The following CTIF variants were observed in gnomAD, a reference collection of about 807,000 sequenced individuals.
The protein encoded by CTIF is CBP80/20-dependent translation initiation factor.
In CTIF, 21 loss-of-function variants were observed where a neutral mutation model predicts 66.0. The ratio of observed to expected loss-of-function variants is 0.32; its 90% CI spans 0.23 to 0.46. The LOEUF (loss-of-function observed/expected upper bound fraction) is 0.46. CTIF is among the 20% of genes least tolerant of loss of function. The pLI is 1.00. For missense variants in CTIF, 739 were observed against 812.7 expected (o/e 0.91, Z 1.10); for synonymous variants, 345 against 326.4 (o/e 1.06, Z -0.62).
chr18:48,568,786 G>C (rs2089343609), intron 1 of CTIF, among the ~76,000 whole-genome samples: 1 of 152,002 alleles, frequency 6.6e-6, no homozygotes, highest in Admixed American at 6.6e-5. Context: ...GTGTGCAGAG[G>C]AACTGCCCTT....
At chr18:48,772,684 A>G (rs1910285175) in intron 9 of CTIF, among the ~76,000 whole-genome samples, 1 of 152,168 alleles carries the variant, frequency 6.6e-6, no homozygotes, top group Non-Finnish European at 1.5e-5. Flanking sequence ...TTCATGGCTG[A>G]CTAATATTCC....
At chr18:48,807,337 G>C (rs1270286829) in intron 9 of CTIF, among the ~76,000 whole-genome samples, 1 of 152,144 alleles carries the variant, frequency 6.6e-6, no homozygotes, top group South Asian at 2.1e-4. Context: ...TGATTATAAA[G>C]AGAAACATTC....
intron 6 of CTIF, among the ~76,000 whole-genome samples, chr18:48,693,021 G>C (rs930684203): frequency 6.6e-6 from 1 of 152,208 alleles, no homozygotes; most frequent in Non-Finnish European, 1.5e-5. Context: ...TTTGTTTTGA[G>C]CATTGATAGA....
At chr18:48,686,100 G>A (rs1018580888) in intron 6 of CTIF, among the ~76,000 whole-genome samples, 4 of 152,152 alleles carry the variant, frequency 2.6e-5, no homozygotes, top group South Asian at 4.1e-4. Flanking sequence ...TTAATGATTC[G>A]TGCCTGAAAT....
At chr18:48,807,757 T>A (rs143153069) in intron 9 of CTIF, among the ~76,000 whole-genome samples, 1,801 of 152,086 alleles carry the variant, frequency 0.012, 35 homozygotes, top group African/African-American at 0.041. Context: ...TTTTTTTGTA[T>A]TTTTAGTAGA....
intron 6 of CTIF, among the ~76,000 whole-genome samples, chr18:48,679,428 G>A (rs72909769): frequency 0.031 from 4,797 of 152,334 alleles, 100 homozygotes; most frequent in Non-Finnish European, 0.047. Flanking sequence ...AAGCTTGGCA[G>A]ATAAGAACTG....
chr18:48,672,924 T>G (rs2091559772), intron 6 of CTIF, among the ~76,000 whole-genome samples: 1 of 152,160 alleles, frequency 6.6e-6, no homozygotes, highest in Non-Finnish European at 1.5e-5. Flanking sequence ...GTCCCTCCCC[T>G]GATCTGTTCT....
chr18:48,635,772 G>T (rs1047528313), intron 2 of CTIF, among the ~76,000 whole-genome samples: 1 of 152,168 alleles, frequency 6.6e-6, no homozygotes, highest in Non-Finnish European at 1.5e-5. Context: ...GACTGCTACT[G>T]CATTGTATCT....
intron 2 of CTIF, among the ~76,000 whole-genome samples, chr18:48,627,376 A>T (rs2090622102): frequency 6.6e-6 from 1 of 151,700 alleles, no homozygotes; most frequent in Non-Finnish European, 1.5e-5. Flanking sequence ...GGGATGTTAG[A>T]AGGTGATGAA....
At chr18:48,817,415 C>A (rs989061011) in intron 10 of CTIF, 39 bp downstream of exon 10, 2 of 1,582,486 alleles carry the variant, frequency 1.3e-6, no homozygotes, top group Admixed American at 3.5e-5. Flanking sequence ...CACAGCCAGA[C>A]AGCACCAGGT....
chr18:48,563,585 C>T (rs1392390675), intron 1 of CTIF, among the ~76,000 whole-genome samples: 1 of 152,256 alleles, frequency 6.6e-6, no homozygotes, highest in African/African-American at 2.4e-5. Context: ...AATTCTCCTG[C>T]CTCAGTCTCC....
intron 6 of CTIF, among the ~76,000 whole-genome samples, chr18:48,681,334 G>A (rs550845722): frequency 5.9e-5 from 9 of 152,288 alleles, no homozygotes; most frequent in Admixed American, 3.9e-4. Flanking sequence ...GGAGGCAGCC[G>A]ATGGCCAAAC....
intron 7 of CTIF, among the ~76,000 whole-genome samples, chr18:48,727,302 G>A (rs552364537): frequency 4.6e-5 from 7 of 152,202 alleles, no homozygotes; most frequent in South Asian, 2.1e-4. Flanking sequence ...GGCTGTCTCC[G>A]CCCTCTGCAT....
At chr18:48,728,801 C>G (rs2092410569) in intron 7 of CTIF, among the ~76,000 whole-genome samples, 1 of 151,814 alleles carries the variant, frequency 6.6e-6, no homozygotes, top group Admixed American at 6.6e-5. Flanking sequence ...CTTTTGTAAC[C>G]TGGTCTCAAA....
chr18:48,557,500 G>A (rs964331553), intron 1 of CTIF, among the ~76,000 whole-genome samples: 3 of 152,218 alleles, frequency 2.0e-5, no homozygotes, highest in Non-Finnish European at 4.4e-5. Context: ...GGAGAGACCT[G>A]TCCTGGGGAG....
chr18:48,667,856 C>G (rs1182423249), intron 5 of CTIF, among the ~76,000 whole-genome samples: 1 of 152,208 alleles, frequency 6.6e-6, no homozygotes, highest in East Asian at 1.9e-4. Flanking sequence ...CTGTGGCCAC[C>G]TCATGGCCAG....
At chr18:48,843,678 G>A (rs183230650) in intron 10 of CTIF, among the ~76,000 whole-genome samples, 171 of 152,270 alleles carry the variant, frequency 1.1e-3, no homozygotes, top group African/African-American at 3.4e-3. Flanking sequence ...CTAGGTGACC[G>A]TATATGATCC....
intron 6 of CTIF, among the ~76,000 whole-genome samples, chr18:48,680,429 CAA>C (rs2091720743): frequency 6.6e-6 from 1 of 152,246 alleles, no homozygotes; most frequent in South Asian, 2.1e-4. Context: ...ATCACACAGA[CAA>C]AGAGCTGCTG....
Position 48,863,170 on chromosome 18 carries a change from A to AAAC in CTIF, c.*3612_*3614dup, listed in dbSNP as rs1568280696. The AAAC allele has an allele frequency of 1.4e-5, 2 of 146,944 alleles. No individual in the cohort carries two copies. The allele number at this position is 146,944 out of a possible 1,614,324, so 9.1% of individuals were successfully genotyped here. On this transcript the variant is annotated 3_prime_UTR_variant, in exon 12 of 12. Coordinates refer to ENST00000256413, the MANE Select transcript of CTIF (RefSeq NM_014772.3). ...TATGTCCTGCTTTCCAGCTGAACCC[A>AAAC]AACTACAAGTGGGTTTAAAAAAATA...
Sources: gnomAD v4.1 joint callset for allele counts (sites outside exome capture counted in the v4.1 genomes callset) on GRCh38, gnomAD v4.1.1 for gene constraint, MANE v1.5 for transcripts, NCBI Gene and HGNC (gene_info 2026-07-23, HGNC 2026-07-21) for gene names.